PIP4K2A: variants seen among roughly 807,000 people sequenced by gnomAD.
PIP4K2A encodes the protein phosphatidylinositol 5-phosphate 4-kinase type-2 alpha.
A neutral mutation model predicts 42.9 loss-of-function variants in PIP4K2A; 14 were observed. The ratio of observed to expected loss-of-function variants is 0.33; its 90% CI spans 0.22 to 0.51. The LOEUF (loss-of-function observed/expected upper bound fraction) is 0.51. Among genes scored for constraint, PIP4K2A ranks in the 20% least tolerant of loss-of-function variants. The pLI, the probability that PIP4K2A is intolerant of heterozygous loss-of-function variation, is 0.97. For missense variants in PIP4K2A, 434 were observed against 519.8 expected (o/e 0.83, Z 1.61); for synonymous variants, 192 against 192.2 (o/e 1.00, Z 0.01).
At chr10:22,620,191 G>A (rs958562032) in intron 1 of PIP4K2A, among the ~76,000 whole-genome samples, 24 of 152,168 alleles carry the variant, frequency 1.6e-4, no homozygotes, top group African/African-American at 5.6e-4. Flanking sequence ...CATCCTTGCC[G>A]GCTGGCCCAC....
At chr10:22,554,613 G>T (rs968543360) in intron 6 of PIP4K2A, among the ~76,000 whole-genome samples, 3 of 152,228 alleles carry the variant, frequency 2.0e-5, no homozygotes, top group Non-Finnish European at 2.9e-5. Flanking sequence ...TGGACTCTCC[G>T]AGGCCGGCTT....
chr10:22,599,361 CTA>C (rs998592259), intron 3 of PIP4K2A, among the ~76,000 whole-genome samples: 2 of 152,234 alleles, frequency 1.3e-5, no homozygotes, highest in Non-Finnish European at 2.9e-5. Context: ...ATCTTTGTCT[CTA>C]TATATCTGCC....
intron 1 of PIP4K2A, among the ~76,000 whole-genome samples, chr10:22,628,006 A>G (rs1588673164): frequency 6.6e-6 from 1 of 152,206 alleles, no homozygotes; most frequent in East Asian, 1.9e-4. Flanking sequence ...TACAAGAAAC[A>G]GTTGTTGACC....
intron 7 of PIP4K2A, among the ~76,000 whole-genome samples, chr10:22,547,800 CTGTG>C (rs1186363063): frequency 1.3e-5 from 2 of 152,170 alleles, no homozygotes; most frequent in African/African-American, 4.8e-5. Flanking sequence ...ATACACCGAT[CTGTG>C]TGTGTGTTTG....
intron 1 of PIP4K2A, among the ~76,000 whole-genome samples, chr10:22,650,924 C>T (rs1288905641): frequency 6.6e-6 from 1 of 152,086 alleles, no homozygotes; most frequent in African/African-American, 2.4e-5. Flanking sequence ...CGAGCCACCT[C>T]AGGCCACGGC....
chr10:22,664,206 T>TATATAC (rs1839300553), intron 1 of PIP4K2A, among the ~76,000 whole-genome samples: 6 of 45,944 alleles, frequency 1.3e-4, no homozygotes, highest in Non-Finnish European at 2.2e-4. Flanking sequence ...TATATATACA[T>TATATAC]ATATATATAT....
chr10:22,699,693 C>T lies in PIP4K2A; in HGVS notation c.144+14490G>A, dbSNP rs139382840. On this transcript the variant is annotated intron_variant, in intron 1 of 9. Transcript: ENST00000376573. Reference sequence around the variant, plus strand: ...TTGGAAACAAAAAAACCAACGATTACATCTTTCTTTGGGAAACTTGCAGCC... The same window carrying T: ...TTGGAAACAAAAAAACCAACGATTATATCTTTCTTTGGGAAACTTGCAGCC... Among the ~76,000 whole-genome samples the T allele has an allele frequency of 4.2e-3, 644 of 152,254 alleles. 3 individuals carry two copies. Among genetic ancestry groups the T allele is most frequent in the African/African-American group, 0.015 (605 of 41,548 alleles).
chr10:22,695,813 C>T (rs1366872669), intron 1 of PIP4K2A, among the ~76,000 whole-genome samples: 1 of 152,092 alleles, frequency 6.6e-6, no homozygotes, highest in East Asian at 1.9e-4. Flanking sequence ...AGCTGTTTTA[C>T]TGTATTGGTG....
At chr10:22,563,527 T>G (rs1321838009) in intron 6 of PIP4K2A, among the ~76,000 whole-genome samples, 2 of 152,242 alleles carry the variant, frequency 1.3e-5, no homozygotes, top group Non-Finnish European at 2.9e-5. Flanking sequence ...CATATTTAAC[T>G]CTGAAACAAT....
In PIP4K2A at chr10:22,541,975, C is replaced by G; in HGVS notation, c.865G>C (p.Glu289Gln). The stretch of plus-strand genomic sequence containing the variant: ...TCGTTCTCCTCACACTCCACTTCCT[C>G]CTGTTCGGCTCTCTCCACATCATGA... ...GIHDVERAEQEEVECEENDGE... is the reference protein window; with the variant it reads ...GIHDVERAEQQEVECEENDGE... The change falls in exon 8 of 10, where the codon GAG becomes CAG. Residue 289 changes from glutamate to glutamine, a missense_variant. Transcript: ENST00000376573. 1.2e-6 allele frequency: 2 copies of G among 1,614,154 alleles called. No individual in the cohort carries two copies. Among genetic ancestry groups the G allele is most frequent in the Non-Finnish European group, 8.5e-7 (1 of 1,180,010 alleles).
intron 1 of PIP4K2A, among the ~76,000 whole-genome samples, chr10:22,657,341 A>G (rs750937868): frequency 6.6e-6 from 1 of 152,234 alleles, no homozygotes; most frequent in African/African-American, 2.4e-5. Context: ...ATAATGAATG[A>G]CGTTTAGGAA....
chr10:22,564,656 T>C (rs1836795611), intron 6 of PIP4K2A, among the ~76,000 whole-genome samples: 1 of 152,258 alleles, frequency 6.6e-6, no homozygotes, highest in Admixed American at 6.5e-5. Context: ...CAGTCACTGT[T>C]TCTGCCTCTT....
intron 6 of PIP4K2A, among the ~76,000 whole-genome samples, chr10:22,562,221 T>A (rs1379108833): frequency 1.7e-5 from 2 of 116,440 alleles, no homozygotes; most frequent in South Asian, 7.2e-4. Flanking sequence ...AGACTTTTTT[T>A]AAAAGTTAAA....
chr10:22,699,808 C>T (rs1265707653), intron 1 of PIP4K2A, among the ~76,000 whole-genome samples: 2 of 152,100 alleles, frequency 1.3e-5, no homozygotes, highest in Non-Finnish European at 2.9e-5. Flanking sequence ...CTAAGTTCTA[C>T]ATAGACACTA....
intron 1 of PIP4K2A, among the ~76,000 whole-genome samples, chr10:22,686,029 C>A (rs1245848738): frequency 6.6e-6 from 1 of 152,196 alleles, no homozygotes; most frequent in African/African-American, 2.4e-5. Flanking sequence ...AGGCAGGGAT[C>A]GAGTAATACT....
intron 3 of PIP4K2A, among the ~76,000 whole-genome samples, chr10:22,596,900 C>T (rs1837647508): frequency 6.6e-6 from 1 of 152,240 alleles, no homozygotes; most frequent in Admixed American, 6.5e-5. Flanking sequence ...TGCTTCCCTG[C>T]CTGGGCTCCA....
At chr10:22,640,016 T>A (rs1274242583) in intron 1 of PIP4K2A, among the ~76,000 whole-genome samples, 2 of 25,174 alleles carry the variant, frequency 7.9e-5, no homozygotes, top group African/African-American at 4.2e-4. Context: ...TGTGTTGTCT[T>A]TTTTTTTTTT....
At chr10:22,627,585 A>C (rs528803139) in intron 1 of PIP4K2A, among the ~76,000 whole-genome samples, 252 of 126,646 alleles carry the variant, frequency 2.0e-3, no homozygotes, top group Non-Finnish European at 3.2e-3. Context: ...AAAAGCTAAT[A>C]TGTAATAAAA....
chr10:22,602,291 G>A (rs1028506930), intron 3 of PIP4K2A, among the ~76,000 whole-genome samples: 7 of 151,962 alleles, frequency 4.6e-5, no homozygotes, highest in East Asian at 3.9e-4. Context: ...TACTCAGGGG[G>A]CTGAAGTGGC....
Sources: gnomAD v4.1 joint callset for allele counts (sites outside exome capture counted in the v4.1 genomes callset) on GRCh38, gnomAD v4.1.1 for gene constraint, MANE v1.5 for transcripts, NCBI Gene and HGNC (gene_info 2026-07-23, HGNC 2026-07-21) for gene names.